The following PCDH7 variants were observed in gnomAD, a reference collection of about 807,000 sequenced individuals.
The protein encoded by PCDH7 is protocadherin-7.
A neutral mutation model predicts 58.9 loss-of-function variants in PCDH7; 17 were observed. The observed-to-expected ratio is 0.29, with a 90% CI of 0.20 to 0.43. PCDH7 has a LOEUF of 0.43. Among genes scored for constraint, PCDH7 ranks in the 20% least tolerant of loss-of-function variants. The pLI is 1.00. For missense variants in PCDH7, 1,274 were observed against 1,441.0 expected (o/e 0.88, Z 1.88); for synonymous variants, 664 against 616.4 (o/e 1.08, Z -1.14).
At chr4:31,005,660 C>T (rs1321911048) in intron 3 of PCDH7, among the ~76,000 whole-genome samples, 4 of 151,984 alleles carry the variant, frequency 2.6e-5, no homozygotes, top group African/African-American at 4.8e-5. Context: ...AGATTTTAAC[C>T]GTTTTGCAAG....
intron 1 of PCDH7, among the ~76,000 whole-genome samples, chr4:30,910,875 A>T (rs1741644915): frequency 6.6e-6 from 1 of 152,194 alleles, no homozygotes; most frequent in Non-Finnish European, 1.5e-5. Flanking sequence ...TTACTGTAAC[A>T]CTATTCACAA....
intron 1 of PCDH7, among the ~76,000 whole-genome samples, chr4:30,889,116 G>A (rs1482430097): frequency 1.5e-5 from 2 of 131,958 alleles, no homozygotes; most frequent in Admixed American, 8.1e-5. Flanking sequence ...GGGAGGCAGA[G>A]GTTGTGGTGA....
chr4:30,754,977 G>A (rs906981648), intron 1 of PCDH7, among the ~76,000 whole-genome samples: 26 of 152,258 alleles, frequency 1.7e-4, no homozygotes, highest in African/African-American at 6.3e-4. Context: ...TCATCCTTAT[G>A]CTGCTGATGG....
intron 3 of PCDH7, among the ~76,000 whole-genome samples, chr4:30,979,953 C>T (rs1750406308): frequency 6.6e-6 from 1 of 152,214 alleles, no homozygotes. Flanking sequence ...ATTCCCCACC[C>T]TGACACTATG....
At chr4:31,119,751 C>T (rs973293315) in intron 3 of PCDH7, among the ~76,000 whole-genome samples, 7 of 152,162 alleles carry the variant, frequency 4.6e-5, no homozygotes, top group Middle Eastern at 3.4e-3. Context: ...GCTTGGGAGG[C>T]GAGCACATGC....
At chr4:30,803,267 T>C (rs1725759587) in intron 1 of PCDH7, among the ~76,000 whole-genome samples, 1 of 152,172 alleles carries the variant, frequency 6.6e-6, no homozygotes, top group African/African-American at 2.4e-5. Context: ...GTGAGTGTGA[T>C]TGCCAAAGCT....
chr4:30,980,921 C>T (rs931900264), intron 3 of PCDH7, among the ~76,000 whole-genome samples: 1 of 152,164 alleles, frequency 6.6e-6, no homozygotes, highest in Admixed American at 6.5e-5. Context: ...TCAGCTACTG[C>T]AACCTCTGCC....
intron 2 of PCDH7, among the ~76,000 whole-genome samples, chr4:30,923,927 A>T (rs1353403951): frequency 6.6e-6 from 1 of 152,228 alleles, no homozygotes; most frequent in Non-Finnish European, 1.5e-5. Context: ...TTTGACAATG[A>T]AAATGTTAGA....
In PCDH7 at chr4:30,900,875, G is replaced by T. The variant is rs185994341; in HGVS notation, c.71-19278G>T. ...TTGCAATATGATGATAAAAAATAGG[G>T]CTAGCACCAGTCTTACAAGACTAAT... On this transcript the variant is annotated intron_variant, in intron 1 of 3. Coordinates refer to the PCDH7 transcript ENST00000509759. Among the ~76,000 whole-genome samples the T allele has an allele frequency of 2.5e-3, 384 of 152,216 alleles. 1 individual carries two copies. Among genetic ancestry groups the T allele is most frequent in the Non-Finnish European group, 4.4e-3 (302 of 67,996 alleles).
chr4:30,873,952 T>C (rs1263670675), intron 1 of PCDH7, among the ~76,000 whole-genome samples: 1 of 152,146 alleles, frequency 6.6e-6, no homozygotes, highest in Admixed American at 6.6e-5. Context: ...CTTTACAATG[T>C]AATGGCTCAG....
intron 1 of PCDH7, among the ~76,000 whole-genome samples, chr4:30,789,907 G>T (rs1250771616): frequency 1.3e-5 from 2 of 152,024 alleles, no homozygotes; most frequent in Non-Finnish European, 2.9e-5. Context: ...TCTATTTTGG[G>T]GGAAAAGAAA....
chr4:30,793,824 A>G (rs914818194), intron 1 of PCDH7: 1 of 152,204 alleles, frequency 6.6e-6, no homozygotes, highest in Non-Finnish European at 1.5e-5. Context: ...ACCTTTCACT[A>G]TTTTGGGAAC....
At chr4:30,867,934 T>C (rs1182540697) in intron 1 of PCDH7, among the ~76,000 whole-genome samples, 1 of 152,084 alleles carries the variant, frequency 6.6e-6, no homozygotes, top group East Asian at 1.9e-4. Flanking sequence ...AATGTAGGTC[T>C]GTCAATCATG....
intron 3 of PCDH7, among the ~76,000 whole-genome samples, chr4:31,034,037 T>G (rs1197555058): frequency 7.9e-5 from 12 of 152,126 alleles, no homozygotes; most frequent in Admixed American, 7.9e-4. Flanking sequence ...GAGGTTGCAG[T>G]GCGTGGAAAT....
chr4:30,898,116 C>T (rs764942283), intron 1 of PCDH7, among the ~76,000 whole-genome samples: 1 of 152,158 alleles, frequency 6.6e-6, no homozygotes, highest in Non-Finnish European at 1.5e-5. Flanking sequence ...ATTGGTTTAA[C>T]ATGTTTCTAT....
intron 1 of PCDH7, among the ~76,000 whole-genome samples, chr4:30,915,878 A>G (rs559668215): frequency 6.6e-6 from 1 of 152,212 alleles, no homozygotes; most frequent in East Asian, 1.9e-4. Flanking sequence ...GGAATCCATA[A>G]TCAACTCCCA....
Position 30,721,394 on chromosome 4 carries a change from A to C in PCDH7, c.-29A>C. 6.9e-7 allele frequency: 1 copy of C among 1,458,670 alleles called. No individual in the cohort carries two copies. Among genetic ancestry groups the C allele is most frequent in the Non-Finnish European group, 9.0e-7 (1 of 1,107,166 alleles). The allele number at this position is 1,458,670 out of a possible 1,614,324, so 90.4% of individuals were successfully genotyped here. ...GGGCGCCGAGGGGGCTGTGGTTAGAAGGAGCAGTAGCAGCAGCAGCAGGAG... is the reference window on the plus strand; with the variant it reads ...GGGCGCCGAGGGGGCTGTGGTTAGACGGAGCAGTAGCAGCAGCAGCAGGAG... On this transcript the variant is annotated 5_prime_UTR_variant, in exon 1 of 2. Transcript: ENST00000361762. This position sits in a 1 kb window ranked among gnomAD's most constrained non-coding sequence, Gnocchi z 6.7.
At chr4:31,130,404 C>G (rs192061390) in intron 3 of PCDH7, among the ~76,000 whole-genome samples, 1 of 152,218 alleles carries the variant, frequency 6.6e-6, no homozygotes, top group African/African-American at 2.4e-5. Context: ...GTACGCATGA[C>G]TCAATGGGAA....
chr4:31,002,535 AG>A (rs1752437122), intron 3 of PCDH7, among the ~76,000 whole-genome samples: 1 of 152,162 alleles, frequency 6.6e-6, no homozygotes, highest in South Asian at 2.1e-4. Flanking sequence ...TAACAAAATT[AG>A]TTTCTGGTGC....
Sources: gnomAD v4.1 joint callset for allele counts (sites outside exome capture counted in the v4.1 genomes callset) on GRCh38, gnomAD v4.1.1 for gene constraint, Gnocchi (gnomAD v3.1) non-coding constraint, MANE v1.5 for transcripts, NCBI Gene and HGNC (gene_info 2026-07-23, HGNC 2026-07-21) for gene names.